Variants in EIF3D observed in about 807,000 individuals in gnomAD.
The protein encoded by EIF3D is eIF3 p66.
EIF3D carries 10 observed loss-of-function variants against 75.4 expected under a neutral mutation model. The observed-to-expected ratio is 0.13, with a 90% CI of 0.08 to 0.22. EIF3D has a LOEUF of 0.22. EIF3D is among the 10% of genes least tolerant of loss of function. The pLI is 1.00. For missense variants in EIF3D, 394 were observed against 708.0 expected (o/e 0.56, Z 5.03); for synonymous variants, 246 against 248.3 (o/e 0.99, Z 0.09).
chr22:36,526,274 A>G, intron 1 of EIF3D, 143 bp from the exon 2 acceptor site: 2 of 835,316 alleles, frequency 2.4e-6, no homozygotes, highest in South Asian at 2.6e-5. Flanking sequence ...TTGAGCGACT[A>G]CTACTGTTTT....
chr22:36,512,676 G>A, intron 12 of EIF3D, 74 bp from the exon 13 acceptor site: 1 of 1,529,114 alleles, frequency 6.5e-7, no homozygotes, highest in Non-Finnish European at 8.9e-7. Flanking sequence ...CTCTGGCAGA[G>A]AAGGAACTCC....
At chr22:36,520,552 A>G (rs1468546820) in intron 7 of EIF3D, 24 bp downstream of exon 7, 1 of 1,528,736 alleles carries the variant, frequency 6.5e-7, no homozygotes, top group Admixed American at 1.7e-5. Flanking sequence ...AGCAGTGTAG[A>G]AAGTAGTAAA....
In EIF3D at chr22:36,510,974, C is replaced by T. The variant is rs1176342570; in HGVS notation, c.*13G>A. 6.3e-7 allele frequency: 1 copy of T among 1,598,782 alleles called. No homozygotes were observed. Among genetic ancestry groups the T allele is most frequent in the South Asian group, 1.1e-5 (1 of 89,340 alleles). On this transcript the variant is annotated 3_prime_UTR_variant, in exon 15 of 15. Transcript: ENST00000216190. Reference sequence around the variant, plus strand: ...CTCGGTGGAAGGACAAACTCCAGCTCCACATCACTGGTTTAAGTTTCTTCC... The same window carrying T: ...CTCGGTGGAAGGACAAACTCCAGCTTCACATCACTGGTTTAAGTTTCTTCC...
intron 1 of EIF3D, 48 bp from the exon 2 acceptor site, chr22:36,526,179 A>C (rs1172901948): frequency 6.6e-7 from 1 of 1,520,990 alleles, no homozygotes; most frequent in Non-Finnish European, 8.8e-7. Flanking sequence ...AAGGCCTCAG[A>C]GTACAAAACA....
At chr22:36,517,999 C>T (rs1416309571) in intron 9 of EIF3D, among the ~76,000 whole-genome samples, 1 of 152,030 alleles carries the variant, frequency 6.6e-6, no homozygotes, top group East Asian at 1.9e-4. Context: ...TTCTCCGCCT[C>T]GGCCTCCCAA....
intron 1 of EIF3D, 94 bp from the exon 2 acceptor site, chr22:36,526,225 G>T: frequency 7.4e-7 from 1 of 1,357,562 alleles, no homozygotes; most frequent in Non-Finnish European, 9.7e-7. Flanking sequence ...ATAAATGATA[G>T]AACTCAAAAA....
In EIF3D at chr22:36,525,603, T is replaced by C. The variant is rs550059943; in HGVS notation, c.169+61A>G. ...TAAAAAGCTTTCAGAAGAAGGTCAT[T>C]AGAATAAAGAACAACTTTCCCAAGG... On this transcript the variant is annotated intron_variant, in intron 3 of 14. Transcript: ENST00000216190. The C allele has an allele frequency of 7.0e-6, 11 of 1,565,540 alleles. No individual in the cohort carries two copies. The Admixed American group carries it at 1.4e-4, about 21-fold the overall frequency.
chr22:36,519,751 A>C (rs1934483556), intron 7 of EIF3D, among the ~76,000 whole-genome samples: 1 of 152,114 alleles, frequency 6.6e-6, no homozygotes, highest in African/African-American at 2.4e-5. Context: ...ATCTAGCCCA[A>C]CGCCCCCATT....
chr22:36,511,243 A>G (rs1934329261), intron 14 of EIF3D: 1 of 817,830 alleles, frequency 1.2e-6, no homozygotes, highest in Admixed American at 3.0e-5. Flanking sequence ...CACCGGCTTC[A>G]ATCTGGGACT....
chr22:36,521,399 G>A (rs947023185), intron 6 of EIF3D, among the ~76,000 whole-genome samples: 9 of 152,036 alleles, frequency 5.9e-5, no homozygotes, highest in African/African-American at 1.9e-4. Context: ...TATTTCTCTC[G>A]GGTTATTAAC....
intron 12 of EIF3D, 189 bp downstream of exon 12, chr22:36,516,289 A>G: frequency 1.6e-6 from 1 of 636,380 alleles, no homozygotes. Context: ...CTACACACAC[A>G]GTCATGCTCT....
intron 10 of EIF3D, 34 bp downstream of exon 10, chr22:36,517,267 G>C (rs1346026266): frequency 1.2e-6 from 2 of 1,613,044 alleles, no homozygotes; most frequent in African/African-American, 2.7e-5. Context: ...GATTAAATAA[G>C]AATGAATCAA....
At chr22:36,512,848 G>C in intron 12 of EIF3D, 1 of 402,198 alleles carries the variant, frequency 2.5e-6, no homozygotes, top group Non-Finnish European at 4.4e-6. Context: ...ATGATGGATG[G>C]ACACACACGG....
chr22:36,523,814 A>G, intron 5 of EIF3D, 81 bp downstream of exon 5: 3 of 1,314,844 alleles, frequency 2.3e-6, no homozygotes, highest in South Asian at 2.4e-5. Context: ...GAATACAACC[A>G]TCCTCCTGCT....
intron 9 of EIF3D, 159 bp from the exon 10 acceptor site, chr22:36,517,590 G>T: frequency 2.9e-6 from 2 of 691,438 alleles, no homozygotes; most frequent in Non-Finnish European, 4.4e-6. Context: ...CACATAAGCG[G>T]GGGAGTGGGG....
intron 10 of EIF3D, 38 bp downstream of exon 10, chr22:36,517,259 TTAAA>T: frequency 6.2e-7 from 1 of 1,612,536 alleles, no homozygotes; most frequent in South Asian, 1.1e-5. Flanking sequence ...CAGCAGCTGA[TTAAA>T]TAAGAATGAA....
chr22:36,525,609 A>C, intron 3 of EIF3D, 55 bp downstream of exon 3: 1 of 1,585,018 alleles, frequency 6.3e-7, no homozygotes, highest in South Asian at 1.1e-5. Flanking sequence ...TCATTAGAAT[A>C]AAGAACAACT....
At chr22:36,520,546 G>T in intron 7 of EIF3D, 30 bp downstream of exon 7, 1 of 1,491,786 alleles carries the variant, frequency 6.7e-7, no homozygotes, top group Non-Finnish European at 9.3e-7. Context: ...CATAAGAGCA[G>T]TGTAGAAAGT....
chr22:36,511,716 T>C lies in EIF3D; in HGVS notation c.1420A>G (p.Asn474Asp). The C allele has an allele frequency of 6.2e-7, 1 of 1,614,120 alleles. No homozygotes were observed. Residue 474 changes from asparagine to aspartate, a missense_variant, in exon 14 of 15, where the codon AAT becomes GAT. By Grantham distance (23) the Asn-to-Asp change is conservative. Coordinates refer to ENST00000216190, the MANE Select transcript of EIF3D (RefSeq NM_003753.4). ...VILGTQQFKP[N>D]EFASQINLSV... ...AGGTTGATCTGGCTGGCAAACTCAT[T>C]AGGCTTGAACTGCTGGGTGCCTAGG...
Sources: allele counts gnomAD v4.1 joint callset (sites outside exome capture counted in the v4.1 genomes callset), GRCh38; gene constraint gnomAD v4.1.1; transcripts MANE v1.5; gene names NCBI Gene and HGNC (gene_info 2026-07-23, HGNC 2026-07-21).